Variants in PARG observed in about 807,000 individuals in gnomAD.
PARG encodes the protein mitochondrial poly(ADP-ribose) glycohydrolase.
In PARG, 35 loss-of-function variants were observed where a neutral mutation model predicts 113.0. The observed-to-expected ratio is 0.31, with a 90% CI of 0.24 to 0.41. The LOEUF (loss-of-function observed/expected upper bound fraction) is 0.41, where lower values mean the gene tolerates loss of function less well. Ranked by LOEUF, PARG falls within the 10% of genes least tolerant of loss-of-function variation. The probability of loss-of-function intolerance (pLI) is 1.00; values close to 1 mark genes in which losing one functional copy is unlikely to be tolerated. For synonymous variants in PARG, 330 were observed against 409.9 expected, an observed-to-expected ratio of 0.81 and a Z score of 2.36; for missense variants, 797 against 1,169.4, an observed-to-expected ratio of 0.68 and a Z score of 4.64.
At chr10:49,880,649 G>A (rs1847169595) in intron 8 of PARG, among the ~76,000 whole-genome samples, 2 of 152,042 alleles carry the variant, frequency 1.3e-5, no homozygotes, top group South Asian at 2.1e-4. Flanking sequence ...TCTCGACCAA[G>A]GGGATTCCAA....
At chr10:49,896,431 C>T (rs1390691670) in intron 7 of PARG, among the ~76,000 whole-genome samples, 1 of 152,104 alleles carries the variant, frequency 6.6e-6, no homozygotes, top group Non-Finnish European at 1.5e-5. Flanking sequence ...ACTACAGGTG[C>T]ATGCTACCAC....
chr10:49,869,069 A>AG (rs1302615297), intron 10 of PARG, among the ~76,000 whole-genome samples: 1 of 150,886 alleles, frequency 6.6e-6, no homozygotes, highest in Non-Finnish European at 1.5e-5. Flanking sequence ...CAAAGGGCTT[A>AG]GGGGGGCACA....
intron 6 of PARG, among the ~76,000 whole-genome samples, chr10:49,920,298 A>G (rs1554848783): frequency 1.3e-5 from 2 of 150,296 alleles, no homozygotes; most frequent in African/African-American, 4.9e-5. Flanking sequence ...AATAAACAAA[A>G]TTAGTCTGGG....
intron 15 of PARG, among the ~76,000 whole-genome samples, chr10:49,839,214 C>T (rs1437263007): frequency 6.6e-6 from 1 of 151,870 alleles, no homozygotes; most frequent in Non-Finnish European, 1.5e-5. Flanking sequence ...GTGCATGCCT[C>T]TGGTCCCAGC....
At chr10:49,920,461 AAAATATAT>A (rs1193369179) in intron 6 of PARG, among the ~76,000 whole-genome samples, 2 of 48,296 alleles carry the variant, frequency 4.1e-5, no homozygotes, top group South Asian at 6.6e-4. Context: ...TAAAAAAAAA[AAAATATAT>A]ATATATATAT....
At chr10:49,878,753 C>T (rs1306920452) in intron 9 of PARG, among the ~76,000 whole-genome samples, 1 of 152,040 alleles carries the variant, frequency 6.6e-6, no homozygotes, top group Non-Finnish European at 1.5e-5. Flanking sequence ...ACTGCCCCAC[C>T]CTCAGAGGCA....
intron 7 of PARG, among the ~76,000 whole-genome samples, chr10:49,886,109 G>T (rs1847464252): frequency 6.6e-6 from 1 of 152,166 alleles, no homozygotes; most frequent in Admixed American, 6.5e-5. Flanking sequence ...TTATAATCTG[G>T]TCTGAGCTTG....
Position 49,857,437 on chromosome 10 carries a change from C to T in PARG, c.2222G>A (p.Arg741His), listed in dbSNP as rs2573546. The change falls in exon 13 of 18, where the codon CGT (arginine) becomes CAT (histidine). Residue 741 changes from arginine (R) to histidine (H), a missense_variant. Around this residue, in one of 5 missense-constraint regions of PARG, gnomAD observed 40 missense variants for 124.5 expected, o/e 0.32. Transcript: ENST00000616448. ...ACTGGTTACACCACCTCCAACAAAACGATTTGCAAAATCCACCTGTTGGGG... is the reference window on the plus strand; with the variant it reads ...ACTGGTTACACCACCTCCAACAAAATGATTTGCAAAATCCACCTGTTGGGG... ...QGMLQVDFANRFVGGGVTSAG... is the reference protein window; with the variant it reads ...QGMLQVDFANHFVGGGVTSAG... 63 of 1,612,530 alleles carry T rather than the reference C, an allele frequency of 3.9e-5. 1 individual carries two copies. Among genetic ancestry groups the T allele is most frequent in the Non-Finnish European group, 5.1e-5 (60 of 1,179,326 alleles).
In PARG at chr10:49,879,831, C is replaced by G. The variant is rs1554839099; in HGVS notation, c.1831-1G>C. On this transcript the variant is annotated splice_acceptor_variant, in intron 8 of 17. Transcript: ENST00000616448. LOFTEE classifies it high-confidence loss of function. ...TCTTCTGTTTCAGGAGTGGTATTGG[C>G]TGATAAAAGAAACAAAAAAATACAG... is the stretch of plus-strand genomic sequence containing the variant. 1 of 1,102,676 alleles carries G rather than the reference C, an allele frequency of 9.1e-7. No homozygotes were observed. The highest frequency in any genetic ancestry group is 1.4e-6 in the Non-Finnish European group (1 of 737,956). 68.3% of individuals were successfully genotyped at this position (1,102,676 alleles called of 1,614,324 possible).
intron 9 of PARG, among the ~76,000 whole-genome samples, chr10:49,878,592 TG>T (rs1554838812): frequency 7.3e-6 from 1 of 137,438 alleles, no homozygotes; most frequent in African/African-American, 2.6e-5. Context: ...CACTCCAGCC[TG>T]GGCAACAGAG....
In PARG at chr10:49,922,567, A is replaced by G. The variant is rs782174044; in HGVS notation, c.1558T>C (p.Leu520=). 9 of 1,611,040 alleles carry G rather than the reference A, an allele frequency of 5.6e-6. No homozygotes were observed. The highest frequency in any genetic ancestry group is 7.6e-6 in the Non-Finnish European group (9 of 1,179,578). Residue 520 remains leucine, a synonymous_variant, in exon 5 of 18, where the codon TTG becomes CTG. Coordinates refer to ENST00000616448, the MANE Select transcript of PARG (RefSeq NM_003631.5). ...CTTACCTCATCTTCCACTGGGTACA[A>G]ATTTTGTTCTGAACAAGGCATTTTA... The part of the protein sequence containing the change: ...HVKMPCSEQN[L]YPVEDENGER...
rs910394298 is a variant in PARG at position 49,819,419 on chromosome 10, T to C, written c.2852A>G (p.Lys951Arg). ...RNCSTPGPDI[K>R]LYPFIYHAVE... is the part of the protein sequence containing the mutation. ...AGCATGGTATATGAATGGATAAAGC[T>C]TGATGTCTGGTCCAGGGGTGGAACA... The change falls in exon 18 of 18, where the codon AAG becomes AGG. Residue 951 changes from lysine to arginine, a missense_variant. This residue lies in a region of PARG where 194 missense variants were observed against 247.1 expected (regional missense o/e 0.79). Transcript: ENST00000616448. The C allele has an allele frequency of 5.2e-6, 8 of 1,551,360 alleles. No homozygotes were observed. Among genetic ancestry groups the C allele is most frequent in the Non-Finnish European group, 4.4e-6 (5 of 1,146,648 alleles).
At chr10:49,891,837 G>T (rs1173754879) in intron 7 of PARG, among the ~76,000 whole-genome samples, 1 of 150,952 alleles carries the variant, frequency 6.6e-6, no homozygotes, top group Non-Finnish European at 1.5e-5. Context: ...ATGTTGGCCA[G>T]GCTGGTCTCA....
chr10:49,829,178 G>A (rs1844526068), intron 16 of PARG, among the ~76,000 whole-genome samples: 1 of 152,132 alleles, frequency 6.6e-6, no homozygotes, highest in South Asian at 2.1e-4. Flanking sequence ...GGAGGTTGCA[G>A]TGAGTCGAGA....
chr10:49,856,311 CTGGGATTA>C (rs1420175710), intron 13 of PARG, among the ~76,000 whole-genome samples: 1 of 151,492 alleles, frequency 6.6e-6, no homozygotes, highest in Non-Finnish European at 1.5e-5. Context: ...TCCTGAGTAG[CTGGGATTA>C]CAGGCACCCA....
At chr10:49,905,658 T>C (rs1731862159) in intron 7 of PARG, among the ~76,000 whole-genome samples, 1 of 152,254 alleles carries the variant, frequency 6.6e-6, no homozygotes, top group Non-Finnish European at 1.5e-5. Flanking sequence ...TTCCCCCACC[T>C]TAACTATTAA....
At chr10:49,915,860 A>C in intron 7 of PARG, 57 bp downstream of exon 7, 2 of 911,492 alleles carry the variant, frequency 2.2e-6, no homozygotes. Context: ...TATTCTTCTC[A>C]AACCTTCTTA....
At chr10:49,823,462 G>A (rs1296593925) in intron 16 of PARG, among the ~76,000 whole-genome samples, 1 of 151,978 alleles carries the variant, frequency 6.6e-6, no homozygotes, top group Non-Finnish European at 1.5e-5. Flanking sequence ...TATTTATTGA[G>A]TACCCACAAC....
intron 7 of PARG, among the ~76,000 whole-genome samples, chr10:49,893,268 T>C (rs1847900577): frequency 6.6e-6 from 1 of 152,212 alleles, no homozygotes; most frequent in African/African-American, 2.4e-5. Flanking sequence ...TTCTAGTGCC[T>C]GCAGGCTAAT....
Sources: allele counts gnomAD v4.1 joint callset (sites outside exome capture counted in the v4.1 genomes callset), GRCh38; gene constraint gnomAD v4.1.1; regional missense constraint gnomAD v4.1.1; transcripts MANE v1.5; gene names NCBI Gene and HGNC (gene_info 2026-07-23, HGNC 2026-07-21).